The following NELL1 variants were observed in gnomAD, a reference collection of about 807,000 sequenced individuals.
The protein encoded by NELL1 is protein kinase C-binding protein NELL1.
In NELL1, 76 loss-of-function variants were observed where a neutral mutation model predicts 107.4. The ratio of observed to expected loss-of-function variants is 0.71; its 90% CI spans 0.59 to 0.86. The LOEUF (loss-of-function observed/expected upper bound fraction) is 0.86, where lower values mean the gene tolerates loss of function less well. Among genes scored for constraint, NELL1 ranks in the 40% least tolerant of loss-of-function variants. NELL1 has a pLI of 0.00. For missense variants in NELL1, 1,024 were observed against 1,005.5 expected, an observed-to-expected ratio of 1.02 and a Z score of -0.25; for synonymous variants, 353 against 341.2, an observed-to-expected ratio of 1.03 and a Z score of -0.38.
rs1226507204 is a variant in NELL1 at position 20,887,941 on chromosome 11, G to C, written c.603+2401G>C. On this transcript the variant is annotated intron_variant, in intron 5 of 19. Coordinates refer to ENST00000357134, the MANE Select transcript of NELL1 (RefSeq NM_006157.5). ...CTCAGTTAGTCCTCACAGGGCTACA[G>C]AAAATGAAATTAGCAGGTAAAGAAT... 2.0e-5 allele frequency among the ~76,000 whole-genome samples: 3 copies of C among 152,004 alleles called. 1 individual carries two copies. Among genetic ancestry groups the C allele is most frequent in the African/African-American group, 7.3e-5 (3 of 41,378 alleles).
intron 15 of NELL1, among the ~76,000 whole-genome samples, chr11:21,457,121 T>C (rs1853766559): frequency 6.6e-6 from 1 of 152,176 alleles, no homozygotes; most frequent in African/African-American, 2.4e-5. Flanking sequence ...AAGTGTTGAA[T>C]TTCAAGCACA....
intron 16 of NELL1, among the ~76,000 whole-genome samples, chr11:21,559,192 G>T (rs1249094929): frequency 1.3e-5 from 2 of 152,076 alleles, no homozygotes; most frequent in African/African-American, 2.4e-5. Flanking sequence ...CTTGTGCATA[G>T]CAGGTAAACC....
intron 5 of NELL1, among the ~76,000 whole-genome samples, chr11:20,908,511 C>T (rs1418570397): frequency 2.0e-5 from 3 of 151,936 alleles, no homozygotes; most frequent in African/African-American, 4.8e-5. Context: ...ACAATGAGAA[C>T]ACATGGGCAC....
intron 12 of NELL1, among the ~76,000 whole-genome samples, chr11:21,078,181 G>T (rs1854185919): frequency 6.6e-6 from 1 of 151,708 alleles, no homozygotes; most frequent in South Asian, 2.1e-4. Flanking sequence ...CTCTGCAAAA[G>T]AAATCAAAAC....
At chr11:21,164,056 G>A (rs1157410478) in intron 13 of NELL1, among the ~76,000 whole-genome samples, 4 of 152,106 alleles carry the variant, frequency 2.6e-5, no homozygotes, top group South Asian at 2.1e-4. Flanking sequence ...AGCAGTGTGC[G>A]AGTCAAGGAG....
intron 11 of NELL1, among the ~76,000 whole-genome samples, chr11:20,958,634 A>G (rs1158948949): frequency 6.6e-6 from 1 of 152,246 alleles, no homozygotes; most frequent in Non-Finnish European, 1.5e-5. Flanking sequence ...TAGTCTAAAG[A>G]CACATTTAGA....
At chr11:21,051,485 G>T (rs1214192821) in intron 12 of NELL1, among the ~76,000 whole-genome samples, 2 of 151,936 alleles carry the variant, frequency 1.3e-5, no homozygotes, top group South Asian at 2.1e-4. Context: ...ACCACTAAAG[G>T]ACTTATTAAT....
intron 14 of NELL1, among the ~76,000 whole-genome samples, chr11:21,342,906 T>A (rs1461914194): frequency 2.0e-5 from 3 of 152,108 alleles, no homozygotes; most frequent in Non-Finnish European, 4.4e-5. Context: ...GTTGACTGTG[T>A]TTTTGGTTAG....
intron 1 of NELL1, chr11:20,674,393 GT>G: frequency 1.1e-6 from 1 of 932,766 alleles, no homozygotes; most frequent in Non-Finnish European, 1.7e-6. Context: ...AGCTGTTGAA[GT>G]GTGAATATAG....
intron 15 of NELL1, among the ~76,000 whole-genome samples, chr11:21,437,499 AC>A (rs1198654407): frequency 6.6e-6 from 1 of 152,006 alleles, no homozygotes; most frequent in African/African-American, 2.4e-5. Context: ...AGCTGGAATT[AC>A]AGGCCTGCAC....
chr11:21,520,277 A>G (rs1393742281), intron 15 of NELL1, among the ~76,000 whole-genome samples: 1 of 152,124 alleles, frequency 6.6e-6, no homozygotes, highest in Non-Finnish European at 1.5e-5. Flanking sequence ...TTCTCAGTTT[A>G]AGATATCTCA....
intron 12 of NELL1, among the ~76,000 whole-genome samples, chr11:21,080,434 G>A (rs1854238914): frequency 6.6e-6 from 1 of 151,942 alleles, no homozygotes; most frequent in Non-Finnish European, 1.5e-5. Context: ...ATAAACTAGA[G>A]GCATATTATA....
intron 7 of NELL1, among the ~76,000 whole-genome samples, chr11:20,919,684 T>C (rs1368305635): frequency 6.6e-6 from 1 of 152,108 alleles, no homozygotes; most frequent in African/African-American, 2.4e-5. Context: ...TATAAGCTAA[T>C]GCATTTTGGA....
intron 12 of NELL1, among the ~76,000 whole-genome samples, chr11:20,988,203 G>A (rs1178539875): frequency 6.6e-6 from 1 of 152,058 alleles, no homozygotes; most frequent in Non-Finnish European, 1.5e-5. Context: ...CATAGGGATG[G>A]ACTGTACTTC....
chr11:21,218,776 A>G (rs1341478444), intron 13 of NELL1, among the ~76,000 whole-genome samples: 1 of 152,176 alleles, frequency 6.6e-6, no homozygotes, highest in Non-Finnish European at 1.5e-5. Context: ...TTTATGTAAC[A>G]TAATGTCTTC....
At chr11:20,751,049 G>T (rs183754601) in intron 2 of NELL1, among the ~76,000 whole-genome samples, 4,867 of 152,210 alleles carry the variant, frequency 0.032, 256 homozygotes, top group African/African-American at 0.11. Flanking sequence ...GTTTGTGTGT[G>T]TGTGTGTATA....
intron 16 of NELL1, among the ~76,000 whole-genome samples, chr11:21,538,759 T>C (rs1043098274): frequency 2.0e-5 from 3 of 152,110 alleles, no homozygotes; most frequent in African/African-American, 7.2e-5. Context: ...TGAGAAGAAC[T>C]AATATATAAT....
intron 12 of NELL1, among the ~76,000 whole-genome samples, chr11:20,970,821 T>A (rs1310492837): frequency 6.6e-6 from 1 of 152,006 alleles, no homozygotes; most frequent in African/African-American, 2.4e-5. Flanking sequence ...TATATACACA[T>A]ATAGGATGCT....
intron 15 of NELL1, among the ~76,000 whole-genome samples, chr11:21,404,153 C>T (rs1456097134): frequency 6.6e-6 from 1 of 151,818 alleles, no homozygotes; most frequent in Non-Finnish European, 1.5e-5. Flanking sequence ...ACTTTAGAAA[C>T]AGCCTGGCTA....
Sources: allele counts gnomAD v4.1 joint callset (sites outside exome capture counted in the v4.1 genomes callset), GRCh38; gene constraint gnomAD v4.1.1; transcripts MANE v1.5; gene names NCBI Gene and HGNC (gene_info 2026-07-23, HGNC 2026-07-21).